UBASH3A: variants seen among roughly 807,000 people sequenced by gnomAD.
The protein encoded by UBASH3A is ubiquitin-associated and SH3 domain-containing protein A.
In UBASH3A, 63 loss-of-function variants were observed where a neutral mutation model predicts 73.5. That is an observed-to-expected ratio of 0.86 (90% CI 0.70 to 1.06). UBASH3A has a LOEUF of 1.06. Among genes scored for constraint, UBASH3A ranks in the 50% least tolerant of loss-of-function variants. The pLI, the probability that UBASH3A is intolerant of heterozygous loss-of-function variation, is 0.00. For missense variants in UBASH3A, 860 were observed against 859.0 expected, an observed-to-expected ratio of 1.00 and a Z score of -0.02; for synonymous variants, 363 against 351.1, an observed-to-expected ratio of 1.03 and a Z score of -0.38.
chr21:42,433,641 CTGAT>C (rs2053576149), intron 9 of UBASH3A, among the ~76,000 whole-genome samples: 1 of 152,200 alleles, frequency 6.6e-6, no homozygotes, highest in Non-Finnish European at 1.5e-5. Flanking sequence ...GACTTTCTCT[CTGAT>C]TTTAAAACTG....
Position 42,409,443 on chromosome 21 carries a change from C to G in UBASH3A, c.189C>G (p.Asp63Glu). Residue 63 changes from aspartate (D) to glutamate (E), a missense_variant, in exon 3 of 15, where the codon GAC becomes GAG. Physicochemically the swap from Asp to Glu is conservative, Grantham distance 45. Coordinates refer to ENST00000319294, the MANE Select transcript of UBASH3A (RefSeq NM_018961.4). ...GCAGGCTGCATGATCATTGCAATGA[C>G]CCTTCCCTAGACGACCCCATCCCCC... ...ALAWLHDHCN[D>E]PSLDDPIPQE... 6.2e-7 allele frequency: 1 copy of G among 1,603,642 alleles called. No homozygotes were observed. Among genetic ancestry groups the G allele is most frequent in the Non-Finnish European group, 8.5e-7 (1 of 1,176,186 alleles).
intron 14 of UBASH3A, among the ~76,000 whole-genome samples, chr21:42,445,498 C>G (rs1484516099): frequency 6.6e-6 from 1 of 152,280 alleles, no homozygotes; most frequent in South Asian, 2.1e-4. Flanking sequence ...GTTGCTGAGT[C>G]CCCCCAAGAG....
At chr21:42,410,229 A>T in intron 3 of UBASH3A, 1 of 698,248 alleles carries the variant, frequency 1.4e-6, no homozygotes, top group Non-Finnish European at 2.6e-6. Flanking sequence ...AGAATGTGGG[A>T]GCTGCTCAGG....
At chr21:42,429,125 A>G (rs1351762445) in intron 8 of UBASH3A, among the ~76,000 whole-genome samples, 1 of 152,210 alleles carries the variant, frequency 6.6e-6, no homozygotes, top group Non-Finnish European at 1.5e-5. Context: ...CAGAGACTGG[A>G]GCAATGTGGC....
At chr21:42,430,525 A>G (rs1347600062) in intron 8 of UBASH3A, among the ~76,000 whole-genome samples, 4 of 152,120 alleles carry the variant, frequency 2.6e-5, no homozygotes, top group Admixed American at 2.6e-4. Context: ...AAGAGGGAGC[A>G]GGGCAGGGAT....
At chr21:42,441,685 G>A (rs1177981979) in intron 11 of UBASH3A, among the ~76,000 whole-genome samples, 3 of 151,334 alleles carry the variant, frequency 2.0e-5, no homozygotes, top group African/African-American at 7.3e-5. Context: ...GAGGACTTGG[G>A]GGCCTGGTTG....
At chr21:42,426,593 G>A in intron 7 of UBASH3A, 104 bp from the exon 8 acceptor site, 1 of 1,373,614 alleles carries the variant, frequency 7.3e-7, no homozygotes, top group African/African-American at 1.4e-5. Context: ...TTTCTGCTGA[G>A]GTTGTCCCGG....
Position 42,436,773 on chromosome 21 carries a change from T to C in UBASH3A, c.1394-715T>C, listed in dbSNP as rs549837134. Among the ~76,000 whole-genome samples the C allele has an allele frequency of 2.0e-5, 3 of 152,294 alleles. No homozygotes were observed. The South Asian group carries it at 6.2e-4, about 32-fold the overall frequency. ...TTCCCTGAGAGCAGGGCTTCCAGTA[T>C]CACAGGGGGAAAGGCAGAGTACAGG... On this transcript the variant is annotated intron_variant, in intron 10 of 14. Coordinates refer to ENST00000319294, the MANE Select transcript of UBASH3A (RefSeq NM_018961.4).
rs1169081463 is a variant in UBASH3A, at chr21:42,418,607, C to T, written c.1044C>T (p.His348=). 2 of 1,613,562 alleles carry T rather than the reference C, an allele frequency of 1.2e-6. No homozygotes were observed. The highest frequency in any genetic ancestry group is 1.7e-6 in the Non-Finnish European group (2 of 1,179,760). The change falls in exon 7 of 15, where the codon CAC becomes CAT. Residue 348 remains histidine, a splice_region_variant and synonymous_variant. Transcript: ENST00000319294. ...RASESDTWVK[H]RMYTFSLATD... is the part of the protein sequence containing the mutation. ...GTGAGTCTGACACGTGGGTGAAGCA[C>T]AGGTGAGTGCTGCCTCTGGCTGCAG...
At chr21:42,430,851 A>G (rs2053515929) in intron 8 of UBASH3A, among the ~76,000 whole-genome samples, 1 of 152,146 alleles carries the variant, frequency 6.6e-6, no homozygotes, top group Non-Finnish European at 1.5e-5. Flanking sequence ...GCCAGAGGGC[A>G]GCACCACTGG....
At chr21:42,422,682 G>A (rs2053359383) in intron 7 of UBASH3A, among the ~76,000 whole-genome samples, 1 of 152,060 alleles carries the variant, frequency 6.6e-6, no homozygotes, top group Admixed American at 6.5e-5. Flanking sequence ...ATAATTAAAA[G>A]GGAGAATTTT....
chr21:42,425,827 CA>C (rs1369872360), intron 7 of UBASH3A, among the ~76,000 whole-genome samples: 1 of 151,908 alleles, frequency 6.6e-6, no homozygotes, highest in Non-Finnish European at 1.5e-5. Context: ...CAAACATTTG[CA>C]AATGGGCTGG....
Position 42,443,521 on chromosome 21 carries a change from T to C in UBASH3A, c.1738+103T>C. 3 of 956,764 alleles carry C rather than the reference T, an allele frequency of 3.1e-6. No individual in the cohort carries two copies. The South Asian group carries it at 5.3e-5, about 17-fold the overall frequency. The allele number at this position is 956,764 out of a possible 1,614,324, so 59.3% of individuals were successfully genotyped here. Reference sequence around the variant, plus strand: ...TTCTGAACCTATGAATGCCCCTACTTCTCCTGCCTGCCCCCGCCCCCATTC... The same window carrying C: ...TTCTGAACCTATGAATGCCCCTACTCCTCCTGCCTGCCCCCGCCCCCATTC... On this transcript the variant is annotated intron_variant, in intron 13 of 14. Transcript: ENST00000319294.
intron 1 of UBASH3A, among the ~76,000 whole-genome samples, chr21:42,405,330 A>G (rs1255555617): frequency 2.6e-5 from 4 of 152,190 alleles, no homozygotes; most frequent in Non-Finnish European, 5.9e-5. Context: ...GGGCCCAGAG[A>G]GTGCATTAGT....
In UBASH3A at chr21:42,413,340, C is replaced by T. The variant is rs2053140049; in HGVS notation, c.554-70C>T. ...TGGGTGGGTTCCAGGGGAGCAGAGC[C>T]CAGCAGCAATGGTGGGATGGCTGGG... is the stretch of plus-strand genomic sequence containing the variant. On this transcript the variant is annotated intron_variant, in intron 4 of 14. Transcript: ENST00000319294. This position sits in a 1 kb window ranked among gnomAD's most constrained non-coding sequence, Gnocchi z 4.5. 6.5e-7 allele frequency: 1 copy of T among 1,546,066 alleles called. No individual in the cohort carries two copies. The highest frequency in any genetic ancestry group is 1.4e-5 in the African/African-American group (1 of 73,606).
chr21:42,439,942 CACACACACG>C (rs956932859), intron 11 of UBASH3A, among the ~76,000 whole-genome samples: 2 of 144,312 alleles, frequency 1.4e-5, no homozygotes, highest in African/African-American at 5.1e-5. Context: ...ATACACACAC[CACACACACG>C]ACACACACCA....
intron 11 of UBASH3A, among the ~76,000 whole-genome samples, chr21:42,439,373 C>A (rs2053688306): frequency 6.6e-6 from 1 of 152,166 alleles, no homozygotes; most frequent in African/African-American, 2.4e-5. Context: ...CTCTGCACGG[C>A]ATCTCGGGTC....
chr21:42,432,145 G>A lies in UBASH3A; in HGVS notation c.1213G>A (p.Glu405Lys), dbSNP rs986395026. Residue 405 changes from glutamate (E) to lysine (K), a missense_variant, in exon 9 of 15, where the codon GAG becomes AAG. Glu to Lys is a moderately conservative substitution (Grantham distance 56). Coordinates refer to ENST00000319294, the MANE Select transcript of UBASH3A (RefSeq NM_018961.4). ...GAGCGTGCTGGTGGTTCGCCACGGG[G>A]AGAGAGTGGATCAGATCTTCGGGAA... ...RKSVLVVRHG[E>K]RVDQIFGKAW... 4 of 1,613,762 alleles carry A rather than the reference G, an allele frequency of 2.5e-6. No homozygotes were observed. The highest frequency in any genetic ancestry group is 3.4e-6 in the Non-Finnish European group (4 of 1,179,826).
intron 3 of UBASH3A, chr21:42,410,470 AG>A (rs1248145656): frequency 2.3e-6 from 1 of 437,556 alleles, no homozygotes; most frequent in Non-Finnish European, 4.0e-6. Flanking sequence ...AAACCTCTGA[AG>A]GGAAAAGATT....
Sources: allele counts gnomAD v4.1 joint callset (sites outside exome capture counted in the v4.1 genomes callset), GRCh38; gene constraint gnomAD v4.1.1; non-coding constraint Gnocchi (gnomAD v3.1); transcripts MANE v1.5; gene names NCBI Gene and HGNC (gene_info 2026-07-23, HGNC 2026-07-21).